BAZ1A: variants seen among roughly 807,000 people sequenced by gnomAD.
The protein encoded by BAZ1A is bromodomain adjacent to zinc finger domain protein 1A.
Under a neutral mutation model 185.2 loss-of-function variants are expected in BAZ1A, and 50 were observed. That is an observed-to-expected ratio of 0.27 (90% CI 0.22 to 0.34). The LOEUF is 0.34. Among genes scored for constraint, BAZ1A ranks in the 10% least tolerant of loss-of-function variants. The pLI is 1.00. For missense variants in BAZ1A, 1,356 were observed against 1,839.9 expected (o/e 0.74, Z 4.81); for synonymous variants, 571 against 615.6 (o/e 0.93, Z 1.07).
In BAZ1A at chr14:34,823,880, T is replaced by C. The variant is rs537371077; in HGVS notation, c.536+2133A>G. Among the ~76,000 whole-genome samples, 292 of 152,240 alleles carry C rather than the reference T, an allele frequency of 1.9e-3. 2 individuals are homozygous for C. Among genetic ancestry groups the C allele is most frequent in the African/African-American group, 6.8e-3 (282 of 41,544 alleles). On this transcript the variant is annotated intron_variant, in intron 4 of 26. Transcript: ENST00000360310. ...GTTTACTTATATTTGTACCTATGTA[T>C]ACACTCATCTGATTTATAACTAACT...
chr14:34,762,190 C>T lies in BAZ1A; in HGVS notation c.3810G>A (p.Leu1270=), dbSNP rs1385011935. 1.9e-6 allele frequency: 3 copies of T among 1,614,002 alleles called. No homozygotes were observed. The highest frequency in any genetic ancestry group is 1.3e-5 in the African/African-American group (1 of 74,930). The change falls in exon 24 of 27, where the codon TTG becomes TTA. Residue 1270 remains leucine, a synonymous_variant. Transcript: ENST00000360310. The part of the protein sequence containing the change: ...LPKRGRPQVR[L]PVKTRGKLSS... ...TAAGTTTCCCTCTTGTTTTAACTGGCAATCTAACTTGTGGTCTTCCTCGTT... is the reference window on the plus strand; with the variant it reads ...TAAGTTTCCCTCTTGTTTTAACTGGTAATCTAACTTGTGGTCTTCCTCGTT...
chr14:34,844,777 G>GCACACACACACACA, intron 3 of BAZ1A, among the ~76,000 whole-genome samples: 1 of 86,870 alleles, frequency 1.2e-5, no homozygotes, highest in East Asian at 2.7e-4. Flanking sequence ...ACACACACGC[G>GCACACACACACACA]CACACACACA....
chr14:34,756,305 C>T (rs558503599), intron 25 of BAZ1A, among the ~76,000 whole-genome samples: 225 of 150,396 alleles, frequency 1.5e-3, no homozygotes, highest in African/African-American at 4.9e-3. Context: ...TTAGTAGAGA[C>T]AGGGTTTCAC....
chr14:34,855,993 T>C lies in BAZ1A; in HGVS notation c.392+6051A>G, dbSNP rs561487845. ...AAAAAATGGAACAGAAACATACTTG[T>C]AGCAGTATAACAAAGAGCTTAATAT... On this transcript the variant is annotated intron_variant, in intron 3 of 26. Coordinates refer to ENST00000360310, the MANE Select transcript of BAZ1A (RefSeq NM_013448.3). Among the ~76,000 whole-genome samples, 55 of 152,338 alleles carry C rather than the reference T, an allele frequency of 3.6e-4. No individual in the cohort carries two copies. The South Asian group carries it at 9.3e-3, about 26-fold the overall frequency.
intron 3 of BAZ1A, among the ~76,000 whole-genome samples, chr14:34,849,183 G>A (rs1233504542): frequency 1.3e-5 from 2 of 152,076 alleles, no homozygotes; most frequent in East Asian, 1.9e-4. Flanking sequence ...CCAGCTACTC[G>A]GGAGGCTGAA....
At chr14:34,763,445 G>A (rs1323537036) in intron 23 of BAZ1A, among the ~76,000 whole-genome samples, 1 of 151,644 alleles carries the variant, frequency 6.6e-6, no homozygotes, top group Non-Finnish European at 1.5e-5. Context: ...AAAGCCGGGG[G>A]GAGGGGGATG....
At chr14:34,840,374 A>T (rs977068624) in intron 3 of BAZ1A, among the ~76,000 whole-genome samples, 4 of 152,204 alleles carry the variant, frequency 2.6e-5, no homozygotes, top group African/African-American at 9.6e-5. Context: ...TAGTCAAATC[A>T]AAGTCAGGTG....
Position 34,862,289 on chromosome 14 carries a change from G to A in BAZ1A, c.147C>T (p.Ser49=). Residue 49 remains serine (S), a synonymous_variant, in exon 3 of 27, where the codon AGC becomes AGT. Coordinates refer to ENST00000360310, the MANE Select transcript of BAZ1A (RefSeq NM_013448.3). ...DFFERTILCN[S]LVWSCAVTGR... is the part of the protein sequence containing the mutation. ...CCGTCACAGCACAACTCCACACAAGGCTGTTGCACAGAATGGTTCGTTCAA... is the reference window on the plus strand; with the variant it reads ...CCGTCACAGCACAACTCCACACAAGACTGTTGCACAGAATGGTTCGTTCAA... 6.2e-7 allele frequency: 1 copy of A among 1,613,744 alleles called. No individual in the cohort carries two copies. The highest frequency in any genetic ancestry group is 8.5e-7 in the Non-Finnish European group (1 of 1,179,874).
chr14:34,780,242 T>C lies in BAZ1A; in HGVS notation c.2180A>G (p.Gln727Arg). Residue 727 changes from glutamine (Q) to arginine (R), a missense_variant, in exon 17 of 27, where the codon CAA (glutamine) becomes CGA (arginine). Coordinates refer to ENST00000360310, the MANE Select transcript of BAZ1A (RefSeq NM_013448.3). ...SKDTEQKELD[Q>R]DMVTEDEDDP... ...ATCTTCATCTTCAGTGACCATATCT[T>C]GATCTAATTCCTTTTGCTCTGTGTC... is the stretch of plus-strand genomic sequence containing the variant. 6.2e-7 allele frequency: 1 copy of C among 1,613,698 alleles called. No individual in the cohort carries two copies. Among genetic ancestry groups the C allele is most frequent in the Non-Finnish European group, 8.5e-7 (1 of 1,179,772 alleles).
intron 2 of BAZ1A, among the ~76,000 whole-genome samples, chr14:34,863,156 T>A (rs1268989534): frequency 0.024 from 1,872 of 76,660 alleles, 95 homozygotes; most frequent in South Asian, 0.064. Context: ...GCTCGGCTTT[T>A]TTTTTTTTTT....
In BAZ1A at chr14:34,874,263, G is replaced by A; in HGVS notation, c.113+229C>T. On this transcript the variant is annotated intron_variant, in intron 2 of 26. Transcript: ENST00000360310. The surrounding 1 kb of genome is among the most constrained non-coding windows in gnomAD (Gnocchi z 4.7). ...GTCCCCGAGGCCGGCCAGGGACCCA[G>A]CCTCCTCCGCCACTACCAACCCGCG... 6.1e-6 allele frequency: 3 copies of A among 489,870 alleles called. No homozygotes were observed. Among genetic ancestry groups the A allele is most frequent in the Non-Finnish European group, 1.1e-5 (3 of 274,904 alleles). The allele number at this position is 489,870 out of a possible 1,614,324, so 30.3% of individuals were successfully genotyped here.
chr14:34,807,403 C>G lies in BAZ1A; in HGVS notation c.726+48G>C, dbSNP rs777504252. 3.8e-6 allele frequency: 5 copies of G among 1,327,086 alleles called. No homozygotes were observed. In the African/African-American group the frequency reaches 5.8e-5, roughly 16 times the overall value. 82.2% of individuals were successfully genotyped at this position (1,327,086 alleles called of 1,614,324 possible). A position where few individuals can be genotyped will look rare whatever the true frequency, so the allele number is the denominator to read the frequency against. On this transcript the variant is annotated intron_variant, in intron 6 of 26. Transcript: ENST00000360310. The stretch of plus-strand genomic sequence containing the variant: ...GCAATGTTATAACTTTATAACACTA[C>G]CCATTTTGTTTTCTGTCTTCCAACA...
At chr14:34,816,464 C>T (rs2042008447) in intron 4 of BAZ1A, among the ~76,000 whole-genome samples, 1 of 152,166 alleles carries the variant, frequency 6.6e-6, no homozygotes, top group Non-Finnish European at 1.5e-5. Flanking sequence ...CAAAAGTGTA[C>T]TCATGTATTC....
intron 3 of BAZ1A, among the ~76,000 whole-genome samples, chr14:34,847,626 A>T (rs2042535502): frequency 6.6e-6 from 1 of 152,160 alleles, no homozygotes; most frequent in Non-Finnish European, 1.5e-5. Flanking sequence ...ATGCATATTT[A>T]AATCAAAATA....
intron 2 of BAZ1A, among the ~76,000 whole-genome samples, chr14:34,872,656 A>G (rs558742241): frequency 6.6e-6 from 1 of 152,250 alleles, no homozygotes; most frequent in South Asian, 2.1e-4. Flanking sequence ...AATGCGAAAA[A>G]TCTGTATTTC....
intron 3 of BAZ1A, among the ~76,000 whole-genome samples, chr14:34,836,822 G>C (rs1017184539): frequency 6.6e-6 from 1 of 152,008 alleles, no homozygotes; most frequent in Non-Finnish European, 1.5e-5. Context: ...CACACAAAAA[G>C]AGTGTGAATT....
chr14:34,822,335 T>C (rs2042101491), intron 4 of BAZ1A, among the ~76,000 whole-genome samples: 1 of 151,432 alleles, frequency 6.6e-6, no homozygotes, highest in African/African-American at 2.4e-5. Flanking sequence ...GAATAAATAA[T>C]TGACTAGACC....
chr14:34,785,965 G>A lies in BAZ1A; in HGVS notation c.1643C>T (p.Thr548Ile). 6.2e-7 allele frequency: 1 copy of A among 1,614,082 alleles called. No individual in the cohort carries two copies. The highest frequency in any genetic ancestry group is 2.2e-5 in the East Asian group (1 of 44,880). ...GTGCAGTCTGAGGATTTCTGAAAGA[G>A]TGCAGCTATCAAGATCCAAACTTTT... ...SLKSLDLDSC[T>I]LSEILRLHIL... Residue 548 changes from threonine to isoleucine, a missense_variant, in exon 14 of 27, where the codon ACT becomes ATT. Physicochemically the swap from Thr to Ile is moderately conservative, Grantham distance 89 (BLOSUM62 -1). Transcript: ENST00000360310.
At chr14:34,852,123 T>C (rs2138792066) in intron 3 of BAZ1A, among the ~76,000 whole-genome samples, 1 of 150,570 alleles carries the variant, frequency 6.6e-6, no homozygotes, top group East Asian at 2.0e-4. Context: ...CTAGACTCCG[T>C]CTCAAAGAAA....
Sources: gnomAD v4.1 joint callset for allele counts (sites outside exome capture counted in the v4.1 genomes callset) on GRCh38, gnomAD v4.1.1 for gene constraint, Gnocchi (gnomAD v3.1) non-coding constraint, MANE v1.5 for transcripts, NCBI Gene and HGNC (gene_info 2026-07-23, HGNC 2026-07-21) for gene names.